The following BFSP2 variants were observed in gnomAD, a reference collection of about 807,000 sequenced individuals.
BFSP2 encodes phakinin.
Under a neutral mutation model 44.9 loss-of-function variants are expected in BFSP2, and 38 were observed. That is an observed-to-expected ratio of 0.85 (90% CI 0.65 to 1.11). The LOEUF (loss-of-function observed/expected upper bound fraction) is 1.11. BFSP2 is among the 50% of genes least tolerant of loss of function. The pLI, the probability that BFSP2 is intolerant of heterozygous loss-of-function variation, is 0.00. For synonymous variants in BFSP2, 197 were observed against 209.9 expected (o/e 0.94, Z 0.53); for missense variants, 525 against 533.0 (o/e 0.99, Z 0.15).
chr3:133,467,870 A>C (rs1483465129), intron 5 of BFSP2, among the ~76,000 whole-genome samples: 1 of 152,196 alleles, frequency 6.6e-6, no homozygotes, highest in Non-Finnish European at 1.5e-5. Flanking sequence ...CCGTGCAAGC[A>C]TGTATAAGAA....
chr3:133,467,013 T>C, intron 5 of BFSP2, 54 bp downstream of exon 5: 1 of 1,603,922 alleles, frequency 6.2e-7, no homozygotes, highest in Non-Finnish European at 8.5e-7. Context: ...AACTCTCTAC[T>C]GTCAAATTCC....
rs937339927 is a variant in BFSP2, at chr3:133,435,801, T to C, written c.490-11516T>C. ...CAACATCATTTTATTCTTTCTTAAATGAATTATCCATTTGTAAACTGCTGA... is the reference window on the plus strand; with the variant it reads ...CAACATCATTTTATTCTTTCTTAAACGAATTATCCATTTGTAAACTGCTGA... On this transcript the variant is annotated intron_variant, in intron 1 of 6. Coordinates refer to ENST00000302334, the MANE Select transcript of BFSP2 (RefSeq NM_003571.4). Among the ~76,000 whole-genome samples, 4 of 152,244 alleles carry C rather than the reference T, an allele frequency of 2.6e-5. No individual in the cohort carries two copies. In the East Asian group the frequency reaches 7.7e-4, roughly 29 times the overall value.
chr3:133,437,008 T>A (rs963759999), intron 1 of BFSP2, among the ~76,000 whole-genome samples: 1 of 152,200 alleles, frequency 6.6e-6, no homozygotes, highest in Admixed American at 6.5e-5. Context: ...TCTATCATTG[T>A]TGGACATTTG....
At chr3:133,472,844 G>T (rs1018925370) in intron 6 of BFSP2, among the ~76,000 whole-genome samples, 1 of 151,982 alleles carries the variant, frequency 6.6e-6, no homozygotes, top group African/African-American at 2.4e-5. Flanking sequence ...TACCTAGGAC[G>T]TACATAATAG....
intron 1 of BFSP2, among the ~76,000 whole-genome samples, chr3:133,431,802 C>T (rs1036355503): frequency 5.9e-5 from 9 of 152,246 alleles, no homozygotes; most frequent in South Asian, 4.1e-4. Flanking sequence ...CTTAAAACTC[C>T]CCAACTCTGG....
chr3:133,472,587 A>G (rs372262987), intron 6 of BFSP2, 22 bp downstream of exon 6: 184 of 1,606,372 alleles, frequency 1.1e-4, no homozygotes, highest in Non-Finnish European at 1.4e-4. Flanking sequence ...TTCCGCGTCA[A>G]TTATCCAAGA....
rs577332053 is a variant in BFSP2 at position 133,438,108 on chromosome 3, A to G, written c.490-9209A>G. Among the ~76,000 whole-genome samples the G allele has an allele frequency of 8.5e-5, 13 of 152,374 alleles. No homozygotes were observed. In the South Asian group the frequency reaches 2.3e-3, roughly 27 times the overall value. ...ATTATTTAAAGTGATCAAAACAGCCAGTAAAGGGAAAGGGAGGTGGAGGGT... is the reference window on the plus strand; with the variant it reads ...ATTATTTAAAGTGATCAAAACAGCCGGTAAAGGGAAAGGGAGGTGGAGGGT... On this transcript the variant is annotated intron_variant, in intron 1 of 6. Coordinates refer to ENST00000302334, the MANE Select transcript of BFSP2 (RefSeq NM_003571.4).
At chr3:133,453,675 G>C (rs1179810353) in intron 4 of BFSP2, among the ~76,000 whole-genome samples, 1 of 152,220 alleles carries the variant, frequency 6.6e-6, no homozygotes, top group Non-Finnish European at 1.5e-5. Flanking sequence ...TCTGCTATCA[G>C]AGTGGCCTTC....
intron 1 of BFSP2, among the ~76,000 whole-genome samples, chr3:133,423,537 G>A (rs1025757798): frequency 6.6e-6 from 1 of 151,468 alleles, no homozygotes; most frequent in Non-Finnish European, 1.5e-5. Context: ...TACTTTGGGG[G>A]CGGGCGGTGG....
chr3:133,438,107 C>A (rs2073808742), intron 1 of BFSP2, among the ~76,000 whole-genome samples: 1 of 152,134 alleles, frequency 6.6e-6, no homozygotes, highest in African/African-American at 2.4e-5. Flanking sequence ...TCAAAACAGC[C>A]AGTAAAGGGA....
intron 4 of BFSP2, among the ~76,000 whole-genome samples, chr3:133,463,487 G>C (rs2074082415): frequency 6.6e-6 from 1 of 152,208 alleles, no homozygotes; most frequent in Admixed American, 6.5e-5. Context: ...CCCTTGGGGT[G>C]GGGTGTCCGC....
intron 1 of BFSP2, among the ~76,000 whole-genome samples, chr3:133,417,151 C>T (rs1367140851): frequency 8.7e-6 from 1 of 114,456 alleles, no homozygotes; most frequent in Non-Finnish European, 1.8e-5. Flanking sequence ...TCTCCCCTCT[C>T]TCATCTCTCT....
chr3:133,468,336 C>T (rs1373555685), intron 5 of BFSP2, among the ~76,000 whole-genome samples: 1 of 152,150 alleles, frequency 6.6e-6, no homozygotes, highest in Non-Finnish European at 1.5e-5. Context: ...CATTTTCTCA[C>T]TTGTAAAGTG....
intron 1 of BFSP2, among the ~76,000 whole-genome samples, chr3:133,414,325 C>T (rs1357019852): frequency 1.2e-5 from 1 of 85,266 alleles, no homozygotes; most frequent in East Asian, 3.4e-4. Context: ...TCTACTCACC[C>T]CTGCTCTCTC....
chr3:133,424,217 T>TG (rs879790985), intron 1 of BFSP2, among the ~76,000 whole-genome samples: 24,713 of 98,962 alleles, frequency 0.25, 2,707 homozygotes, highest in African/African-American at 0.48. Flanking sequence ...AGCTAATTTT[T>TG]TTTTTTTTTT....
intron 1 of BFSP2, among the ~76,000 whole-genome samples, chr3:133,443,692 A>G (rs900343143): frequency 4.6e-5 from 7 of 152,190 alleles, no homozygotes; most frequent in Non-Finnish European, 1.0e-4. Context: ...CATCCATCCT[A>G]AACTTGAAAG....
intron 1 of BFSP2, among the ~76,000 whole-genome samples, chr3:133,403,999 A>G (rs78968293): frequency 1.9e-3 from 37 of 19,122 alleles, no homozygotes; most frequent in African/African-American, 2.9e-3. Flanking sequence ...GGGAGGGGGG[A>G]ATCTTCCTCA....
At chr3:133,467,327 G>A (rs1209909768) in intron 5 of BFSP2, among the ~76,000 whole-genome samples, 1 of 152,132 alleles carries the variant, frequency 6.6e-6, no homozygotes, top group Non-Finnish European at 1.5e-5. Context: ...ACTAAGAGGG[G>A]GCTTTAAAAT....
intron 1 of BFSP2, among the ~76,000 whole-genome samples, chr3:133,412,821 A>C (rs925459376): frequency 1.3e-5 from 2 of 152,236 alleles, no homozygotes; most frequent in Non-Finnish European, 2.9e-5. Context: ...TCAGAACTCC[A>C]GCTCAGGGGT....
Sources: gnomAD v4.1 joint callset for allele counts (sites outside exome capture counted in the v4.1 genomes callset) on GRCh38, gnomAD v4.1.1 for gene constraint, MANE v1.5 for transcripts, NCBI Gene and HGNC (gene_info 2026-07-23, HGNC 2026-07-21) for gene names.